Variants in TMEM26 observed in about 807,000 individuals in gnomAD.
The protein encoded by TMEM26 is transmembrane protein 26.
A neutral mutation model predicts 28.8 loss-of-function variants in TMEM26; 38 were observed. That is an observed-to-expected ratio of 1.32 (90% CI 1.02 to 1.73). TMEM26 has a LOEUF of 1.73. Among genes scored for constraint, TMEM26 ranks in the 40% most tolerant of loss-of-function variants. The probability of loss-of-function intolerance (pLI) is 0.00; values close to 1 mark genes in which losing one functional copy is unlikely to be tolerated. For missense variants in TMEM26, 518 were observed against 447.1 expected, an observed-to-expected ratio of 1.16 and a Z score of -1.43; for synonymous variants, 227 against 182.9, an observed-to-expected ratio of 1.24 and a Z score of -1.95.
chr10:61,408,980 A>G lies in TMEM26; in HGVS notation c.*1342T>C, dbSNP rs1839529852. ...CAATAAGTCATACCAAATTAAGGGC[A>G]TACCCCACCTTAAATGTCCCTTTGA... On this transcript the variant is annotated 3_prime_UTR_variant, in exon 6 of 6. Transcript: ENST00000399298. 6.6e-6 allele frequency: 1 copy of G among 152,222 alleles called. No individual in the cohort carries two copies. Among genetic ancestry groups the G allele is most frequent in the Admixed American group, 6.5e-5 (1 of 15,280 alleles). 9.4% of individuals were successfully genotyped at this position (152,222 alleles called of 1,614,324 possible).
chr10:61,450,973 C>T (rs1490352114), intron 1 of TMEM26, among the ~76,000 whole-genome samples: 1 of 152,104 alleles, frequency 6.6e-6, no homozygotes, highest in Non-Finnish European at 1.5e-5. Flanking sequence ...TTATATAATT[C>T]TCTAATCACC....
intron 4 of TMEM26, among the ~76,000 whole-genome samples, chr10:61,416,934 A>G (rs529366922): frequency 4.8e-4 from 73 of 152,226 alleles, no homozygotes; most frequent in African/African-American, 1.7e-3. Context: ...TATATTATCT[A>G]TGCACACACA....
rs1839513807 is a variant in TMEM26 at position 61,407,727 on chromosome 10, C to G, written c.*2595G>C. On this transcript the variant is annotated 3_prime_UTR_variant, in exon 6 of 6. Transcript: ENST00000399298. ...ATGGCAATAATACCAACAGCACCAA[C>G]AACCTCAAATAAGCCACTTTCTTCA... The G allele has an allele frequency of 6.6e-6, 1 of 152,180 alleles. No homozygotes were observed. The highest frequency in any genetic ancestry group is 2.4e-5 in the African/African-American group (1 of 41,446). The allele number at this position is 152,180 out of a possible 1,614,324, so 9.4% of individuals were successfully genotyped here. A position where few individuals can be genotyped will look rare whatever the true frequency, so the allele number is the denominator to read the frequency against.
chr10:61,438,114 C>T (rs1276418713), intron 1 of TMEM26, among the ~76,000 whole-genome samples: 4 of 152,000 alleles, frequency 2.6e-5, no homozygotes, highest in South Asian at 2.1e-4. Context: ...GGAGAAAGGG[C>T]AAGAGAAAGA....
rs574299405 is a variant in TMEM26 at position 61,408,362 on chromosome 10, C to T, written c.*1960G>A. 1 of 152,282 alleles carries T rather than the reference C, an allele frequency of 6.6e-6. No homozygotes were observed. The highest frequency in any genetic ancestry group is 1.9e-4 in the East Asian group (1 of 5,186). The allele number at this position is 152,282 out of a possible 1,614,324, so 9.4% of individuals were successfully genotyped here. A position where few individuals can be genotyped will look rare whatever the true frequency, so the allele number is the denominator to read the frequency against. ...TCATTCACGAAGCCAAGCCAAGTCT[C>T]AGATTTGAAAGCATTTAAAAATATC... On this transcript the variant is annotated 3_prime_UTR_variant, in exon 6 of 6. Coordinates refer to ENST00000399298, the MANE Select transcript of TMEM26 (RefSeq NM_178505.8).
chr10:61,440,916 T>C (rs552172964), intron 1 of TMEM26, among the ~76,000 whole-genome samples: 4 of 152,366 alleles, frequency 2.6e-5, no homozygotes, highest in Admixed American at 1.3e-4. Context: ...TTATATAAGA[T>C]AGTGTAGTAT....
rs987826740 is a variant in TMEM26, at chr10:61,409,643, T to C, written c.*679A>G. The stretch of plus-strand genomic sequence containing the variant: ...TCCTGCCTTGCAACCAGTAGATATG[T>C]AACCAAAATGGCTTGCTGTGAATTT... On this transcript the variant is annotated 3_prime_UTR_variant, in exon 6 of 6. Coordinates refer to ENST00000399298, the MANE Select transcript of TMEM26 (RefSeq NM_178505.8). The C allele has an allele frequency of 6.6e-6, 1 of 152,270 alleles. No homozygotes were observed. Among genetic ancestry groups the C allele is most frequent in the Non-Finnish European group, 1.5e-5 (1 of 68,106 alleles). 9.4% of individuals were successfully genotyped at this position (152,270 alleles called of 1,614,324 possible).
intron 1 of TMEM26, among the ~76,000 whole-genome samples, chr10:61,448,039 A>G (rs184819361): frequency 2.6e-5 from 4 of 152,390 alleles, no homozygotes; most frequent in Admixed American, 2.6e-4. Flanking sequence ...CCATATTCTC[A>G]GTACTTGAAT....
intron 5 of TMEM26, 46 bp from the exon 6 acceptor site, chr10:61,410,792 G>T: frequency 6.4e-7 from 1 of 1,571,610 alleles, no homozygotes; most frequent in South Asian, 1.2e-5. Flanking sequence ...TGGAAGTGTA[G>T]ACATATAAGA....
chr10:61,413,079 T>C (rs1564471651), intron 5 of TMEM26: 1 of 639,618 alleles, frequency 1.6e-6, no homozygotes, highest in African/African-American at 1.9e-5. Context: ...GCAAACTGTA[T>C]ATTACTGAGT....
intron 1 of TMEM26, among the ~76,000 whole-genome samples, chr10:61,444,653 TA>T (rs10711559): frequency 0.11 from 14,678 of 133,794 alleles, 1,467 homozygotes; most frequent in African/African-American, 0.28. Flanking sequence ...CCTCATAATT[TA>T]AAAAAAAAAA....
intron 2 of TMEM26, among the ~76,000 whole-genome samples, chr10:61,435,896 G>C (rs1394463967): frequency 6.6e-6 from 1 of 152,158 alleles, no homozygotes; most frequent in African/African-American, 2.4e-5. Context: ...CCTGTAGGGT[G>C]GGGGACAGGG....
chr10:61,436,146 T>G, intron 2 of TMEM26, 24 bp downstream of exon 2: 2 of 1,486,276 alleles, frequency 1.3e-6, no homozygotes, highest in Middle Eastern at 3.4e-4. Flanking sequence ...AATAGGTCAA[T>G]TCCTACTTTC....
rs908008554 is a variant in TMEM26 at position 61,450,627 on chromosome 10, A to G, written c.191+2264T>C. ...GACTCATTTGTTGCTGAAATTTTAT[A>G]CTAAGTCAAATCAATCAACTTTTTT... On this transcript the variant is annotated intron_variant, in intron 1 of 5. Transcript: ENST00000399298. Among the ~76,000 whole-genome samples the G allele has an allele frequency of 3.9e-5, 6 of 152,340 alleles. No homozygotes were observed. The Middle Eastern group carries it at 0.01, about 259-fold the overall frequency.
At chr10:61,413,649 T>C in intron 4 of TMEM26, 114 bp from the exon 5 acceptor site, 1 of 1,342,304 alleles carries the variant, frequency 7.4e-7, no homozygotes, top group South Asian at 2.2e-5. Flanking sequence ...GGCCAAAATA[T>C]CTTGGTGATT....
At chr10:61,445,778 G>T (rs1233653961) in intron 1 of TMEM26, among the ~76,000 whole-genome samples, 1 of 152,044 alleles carries the variant, frequency 6.6e-6, no homozygotes, top group East Asian at 1.9e-4. Context: ...AACTTCCAGG[G>T]TAGTGGGGAA....
Position 61,410,423 on chromosome 10 carries a change from C to T in TMEM26, c.1006G>A (p.Gly336Arg). 6.2e-7 allele frequency: 1 copy of T among 1,614,062 alleles called. No homozygotes were observed. Among genetic ancestry groups the T allele is most frequent in the East Asian group, 2.2e-5 (1 of 44,846 alleles). Residue 336 changes from glycine to arginine, a missense_variant, in exon 6 of 6, where the codon GGG (glycine) becomes AGG (arginine). Gly to Arg is a moderately radical substitution (Grantham distance 125, BLOSUM62 -2). Transcript: ENST00000399298. ...HGCRAQTSES[G>R]PSQRDWQNES... ...TTCTGCCAGTCCCGCTGAGAGGGCC[C>T]ACTCTCAGAGGTCTGTGCCCGGCAA... is the stretch of plus-strand genomic sequence containing the variant.
At chr10:61,413,095 C>T (rs1488728044) in intron 5 of TMEM26, 2 of 554,104 alleles carry the variant, frequency 3.6e-6, no homozygotes, top group East Asian at 6.8e-5. Flanking sequence ...TGAGTCATGA[C>T]AAGAATCTTC....
intron 1 of TMEM26, among the ~76,000 whole-genome samples, chr10:61,438,432 A>G (rs886480351): frequency 6.6e-6 from 1 of 152,174 alleles, no homozygotes; most frequent in African/African-American, 2.4e-5. Flanking sequence ...TGGTTTGGAG[A>G]CATGAAATGT....
Sources: gnomAD v4.1 joint callset for allele counts (sites outside exome capture counted in the v4.1 genomes callset) on GRCh38, gnomAD v4.1.1 for gene constraint, MANE v1.5 for transcripts, NCBI Gene and HGNC (gene_info 2026-07-23, HGNC 2026-07-21) for gene names.